PTPRG: variants seen among roughly 807,000 people sequenced by gnomAD.
PTPRG encodes the protein protein tyrosine phosphatase receptor type G, also known as receptor-type tyrosine-protein phosphatase gamma.
In PTPRG, 102 loss-of-function variants were observed where a neutral mutation model predicts 165.3. The ratio of observed to expected loss-of-function variants is 0.62; its 90% CI spans 0.53 to 0.73. PTPRG has a LOEUF of 0.73. PTPRG is among the 30% of genes least tolerant of loss of function. The pLI, the probability that PTPRG is intolerant of heterozygous loss-of-function variation, is 0.00. For synonymous variants in PTPRG, 675 were observed against 669.5 expected, an observed-to-expected ratio of 1.01 and a Z score of -0.13; for missense variants, 1,866 against 1,861.4, an observed-to-expected ratio of 1.00 and a Z score of -0.05.
chr3:61,906,172 G>C (rs887748192), intron 2 of PTPRG, among the ~76,000 whole-genome samples: 4 of 151,596 alleles, frequency 2.6e-5, no homozygotes, highest in African/African-American at 9.7e-5. Context: ...TAGGGACTTG[G>C]GGCTGGGCTC....
In PTPRG at chr3:61,673,990, A is replaced by C. The variant is rs568288946; in HGVS notation, c.86-74888A>C. Among the ~76,000 whole-genome samples, 4 of 140,294 alleles carry C rather than the reference A, an allele frequency of 2.9e-5. No homozygotes were observed. In the South Asian group the frequency reaches 1.0e-3, roughly 36 times the overall value. The allele number at this position is 140,294 out of a possible 152,430, so 92.0% of individuals were successfully genotyped here. A position where few individuals can be genotyped will look rare whatever the true frequency, so the allele number is the denominator to read the frequency against. ...AGTGGGAGTTGAACAAAGAGAAAAC[A>C]TGGACACATGGAGGGGAACATCACA... On this transcript the variant is annotated intron_variant, in intron 1 of 29. Transcript: ENST00000474889.
At chr3:61,910,904 A>G (rs1004354188) in intron 2 of PTPRG, among the ~76,000 whole-genome samples, 3 of 152,142 alleles carry the variant, frequency 2.0e-5, no homozygotes, top group African/African-American at 7.2e-5. Flanking sequence ...CCCACCTCCC[A>G]TGATTCAATT....
At chr3:62,236,162 G>GA (rs1422078694) in intron 14 of PTPRG, among the ~76,000 whole-genome samples, 5 of 152,178 alleles carry the variant, frequency 3.3e-5, no homozygotes, top group African/African-American at 1.2e-4. Flanking sequence ...TGTTGTATAT[G>GA]AAAAATCTCA....
intron 9 of PTPRG, 23 bp downstream of exon 9, chr3:62,191,676 C>T (rs1189512142): frequency 1.9e-6 from 3 of 1,607,594 alleles, no homozygotes; most frequent in African/African-American, 1.3e-5. Context: ...TCCTCTGATT[C>T]AGGGTACATG....
chr3:61,910,380 T>C (rs2038770430), intron 2 of PTPRG, among the ~76,000 whole-genome samples: 1 of 152,218 alleles, frequency 6.6e-6, no homozygotes, highest in Non-Finnish European at 1.5e-5. Context: ...CATATGAGCT[T>C]ACCAAAGATT....
At position 62,156,649 on chromosome 3, in the gene PTPRG, T is replaced by C. The variant is rs902475882; in HGVS notation, c.683-418T>C. Among the ~76,000 whole-genome samples, 52 of 152,258 alleles carry C rather than the reference T, an allele frequency of 3.4e-4. 1 individual carries two copies. The highest frequency in any genetic ancestry group is 3.1e-3 in the Admixed American group (47 of 15,282). The stretch of plus-strand genomic sequence containing the variant: ...CAAAGTTTGTTCCACTGATTATCTA[T>C]CTGTTCATAGATAATTAGAGAAGAG... On this transcript the variant is annotated intron_variant, in intron 6 of 29. Transcript: ENST00000474889.
At position 61,804,133 on chromosome 3, in the gene PTPRG, G is replaced by T. The variant is rs538101095; in HGVS notation, c.190+55151G>T. On this transcript the variant is annotated intron_variant, in intron 2 of 29. Transcript: ENST00000474889. ...GGCTTTCTGTAAGTAAACATCTGCAGTCCTCTCTATTGGTTTTCTAGCATA... is the reference window on the plus strand; with the variant it reads ...GGCTTTCTGTAAGTAAACATCTGCATTCCTCTCTATTGGTTTTCTAGCATA... Among the ~76,000 whole-genome samples, 7 of 152,350 alleles carry T rather than the reference G, an allele frequency of 4.6e-5. No individual in the cohort carries two copies. In the South Asian group the frequency reaches 1.4e-3, roughly 32 times the overall value.
intron 14 of PTPRG, among the ~76,000 whole-genome samples, chr3:62,236,831 T>TGTA (rs1332598385): frequency 1.3e-5 from 2 of 152,146 alleles, no homozygotes; most frequent in Non-Finnish European, 2.9e-5. Flanking sequence ...AGGGCAGTGT[T>TGTA]GTAGTAAGCA....
intron 6 of PTPRG, among the ~76,000 whole-genome samples, chr3:62,134,691 T>C (rs1165983237): frequency 6.6e-6 from 1 of 152,244 alleles, no homozygotes; most frequent in Non-Finnish European, 1.5e-5. Context: ...GTTTGTGTTT[T>C]TGGTCATATA....
chr3:62,175,546 A>G (rs1705387423), intron 8 of PTPRG, among the ~76,000 whole-genome samples: 1 of 152,216 alleles, frequency 6.6e-6, no homozygotes, highest in South Asian at 2.1e-4. Context: ...TTAATCCTCA[A>G]AACAACCTCT....
At chr3:61,849,582 G>T (rs1308711008) in intron 2 of PTPRG, among the ~76,000 whole-genome samples, 1 of 152,182 alleles carries the variant, frequency 6.6e-6, no homozygotes, top group Admixed American at 6.5e-5. Context: ...GAGAGAATGT[G>T]ATGAACTTAA....
At chr3:62,281,823 A>T in intron 27 of PTPRG, 114 bp downstream of exon 27, 1 of 1,046,500 alleles carries the variant, frequency 9.6e-7, no homozygotes, top group Non-Finnish European at 1.3e-6. Flanking sequence ...TTTGAGTAAG[A>T]CTTAATTTTA....
chr3:61,600,705 C>G (rs1241494479), intron 1 of PTPRG, among the ~76,000 whole-genome samples: 1 of 151,946 alleles, frequency 6.6e-6, no homozygotes, highest in Admixed American at 6.6e-5. Flanking sequence ...ATGCCTGGCT[C>G]ATTTTTAATT....
chr3:62,107,356 G>A (rs987420087), intron 5 of PTPRG, among the ~76,000 whole-genome samples: 1 of 152,128 alleles, frequency 6.6e-6, no homozygotes, highest in Admixed American at 6.5e-5. Context: ...GAAGCTTCTG[G>A]GCTATTAAAG....
At chr3:61,680,522 A>AC (rs1553648725) in intron 1 of PTPRG, among the ~76,000 whole-genome samples, 1 of 82,724 alleles carries the variant, frequency 1.2e-5, no homozygotes, top group African/African-American at 3.5e-5. Context: ...AAAAAAACAC[A>AC]AAAAAACAGC....
At chr3:62,149,747 G>C (rs577040818) in intron 6 of PTPRG, among the ~76,000 whole-genome samples, 1 of 152,112 alleles carries the variant, frequency 6.6e-6, no homozygotes, top group East Asian at 1.9e-4. Flanking sequence ...ATTCATGGCC[G>C]GTCTAGACTT....
At chr3:62,093,052 G>T (rs549738000) in intron 5 of PTPRG, among the ~76,000 whole-genome samples, 1 of 152,162 alleles carries the variant, frequency 6.6e-6, no homozygotes, top group East Asian at 1.9e-4. Context: ...AAATAATACC[G>T]ATGCTCAGGT....
intron 2 of PTPRG, among the ~76,000 whole-genome samples, chr3:61,923,545 C>T (rs555583537): frequency 1.4e-4 from 21 of 150,770 alleles, no homozygotes; most frequent in East Asian, 7.8e-4. Flanking sequence ...CTCCTAATGC[C>T]AACCCTTCCC....
rs147519301 is a variant in PTPRG at position 62,034,190 on chromosome 3, T to C, written c.519+30693T>C. 5.3e-5 allele frequency among the ~76,000 whole-genome samples: 8 copies of C among 152,334 alleles called. No homozygotes were observed. In the East Asian group the frequency reaches 1.5e-3, roughly 29 times the overall value. ...AAGTCAGCCCTGTGGAACCCAAGTA[T>C]ACAAAGAGTCAGTCCTTCATATACA... On this transcript the variant is annotated intron_variant, in intron 4 of 29. Coordinates refer to ENST00000474889, the MANE Select transcript of PTPRG (RefSeq NM_002841.4).
Sources: allele counts gnomAD v4.1 joint callset (sites outside exome capture counted in the v4.1 genomes callset), GRCh38; gene constraint gnomAD v4.1.1; transcripts MANE v1.5; gene names NCBI Gene and HGNC (gene_info 2026-07-23, HGNC 2026-07-21).